SI: variants seen among roughly 807,000 people sequenced by gnomAD.
The protein encoded by SI is sucrase-isomaltase, intestinal.
In SI, 235 loss-of-function variants were observed where a neutral mutation model predicts 253.3. The ratio of observed to expected loss-of-function variants is 0.93; its 90% CI spans 0.83 to 1.03. The LOEUF (loss-of-function observed/expected upper bound fraction) is 1.03, where lower values mean the gene tolerates loss of function less well. SI is among the 50% of genes least tolerant of loss of function. The pLI is 0.00. For missense variants in SI, 2,442 were observed against 2,211.1 expected, an observed-to-expected ratio of 1.10 and a Z score of -2.09; for synonymous variants, 819 against 712.0, an observed-to-expected ratio of 1.15 and a Z score of -2.39.
At chr3:165,074,052 G>C (rs1363313285) in intron 3 of SI, among the ~76,000 whole-genome samples, 1 of 151,950 alleles carries the variant, frequency 6.6e-6, no homozygotes, top group Non-Finnish European at 1.5e-5. Flanking sequence ...AATCCAATTG[G>C]TTACACCTAA....
Position 165,059,890 on chromosome 3 carries a change from T to C in SI, c.1146+12A>G, listed in dbSNP as rs2108249960. The stretch of plus-strand genomic sequence containing the variant: ...TTGATATATATTCCCACGGACCCTT[T>C]ATTCTACTTACAAATGGTATGCCAG... On this transcript the variant is annotated intron_variant, in intron 10 of 47. Transcript: ENST00000264382. 6.2e-7 allele frequency: 1 copy of C among 1,610,024 alleles called. No individual in the cohort carries two copies. The highest frequency in any genetic ancestry group is 8.5e-7 in the Non-Finnish European group (1 of 1,176,938).
At chr3:165,068,456 C>T (rs765003857) in intron 5 of SI, among the ~76,000 whole-genome samples, 3 of 152,132 alleles carry the variant, frequency 2.0e-5, no homozygotes, top group Non-Finnish European at 2.9e-5. Flanking sequence ...TCACTGAAAG[C>T]CCCAACTCCC....
chr3:164,994,509 T>C (rs1717921880), intron 40 of SI, 104 bp from the exon 41 acceptor site: 1 of 1,184,344 alleles, frequency 8.4e-7, no homozygotes, highest in African/African-American at 1.5e-5. Flanking sequence ...TGATATTAAT[T>C]GATTGTCATG....
rs1177890775 is a variant in SI, at chr3:165,016,651, C to T, written c.3760-571G>A. Among the ~76,000 whole-genome samples the T allele has an allele frequency of 7.2e-5, 11 of 151,930 alleles. No homozygotes were observed. In the East Asian group the frequency reaches 2.1e-3, roughly 29 times the overall value. On this transcript the variant is annotated intron_variant, in intron 31 of 47. Transcript: ENST00000264382. ...AGAATTGTTTTAAGATAGGTAATTG[C>T]AAGTATGTTTAAACCAACAAATATT...
intron 31 of SI, among the ~76,000 whole-genome samples, chr3:165,016,417 A>G (rs1719032929): frequency 6.6e-6 from 1 of 152,024 alleles, no homozygotes; most frequent in Non-Finnish European, 1.5e-5. Context: ...ATACTATGAA[A>G]TTAGGTTAAA....
intron 37 of SI, among the ~76,000 whole-genome samples, chr3:165,003,236 A>T (rs1002696736): frequency 1.3e-5 from 2 of 151,128 alleles, no homozygotes; most frequent in African/African-American, 2.4e-5. Flanking sequence ...GTGGAGAGGA[A>T]TTTTTTTTTC....
intron 25 of SI, among the ~76,000 whole-genome samples, chr3:165,027,888 G>C (rs753484564): frequency 4.6e-5 from 7 of 151,504 alleles, no homozygotes; most frequent in Non-Finnish European, 8.9e-5. Context: ...ACAAGACAAA[G>C]ATGGCCATTC....
chr3:165,014,279 C>T (rs948745406), intron 33 of SI, among the ~76,000 whole-genome samples: 5 of 152,102 alleles, frequency 3.3e-5, no homozygotes, highest in Admixed American at 1.3e-4. Context: ...GACGGAGTCT[C>T]GCTCTGTCCC....
At chr3:164,987,506 C>A (rs1051604697) in intron 44 of SI, among the ~76,000 whole-genome samples, 1 of 152,102 alleles carries the variant, frequency 6.6e-6, no homozygotes. Context: ...GTCAGGAGTT[C>A]GAGACCATCC....
At chr3:164,999,812 A>G (rs765012902) in intron 37 of SI, among the ~76,000 whole-genome samples, 79 of 151,696 alleles carry the variant, frequency 5.2e-4, no homozygotes, top group Non-Finnish European at 9.6e-4. Context: ...AAAATGTGTT[A>G]AACAGACATA....
chr3:164,989,333 T>G (rs1717593254), intron 44 of SI, among the ~76,000 whole-genome samples: 2 of 125,492 alleles, frequency 1.6e-5, no homozygotes, highest in African/African-American at 6.2e-5. Flanking sequence ...AGCAAGACTC[T>G]GTCAAAAAAA....
At chr3:165,009,451 A>T in intron 34 of SI, 56 bp from the exon 35 acceptor site, 1 of 914,304 alleles carries the variant, frequency 1.1e-6, no homozygotes, top group South Asian at 1.3e-5. Context: ...GATTATATAC[A>T]TATAAATCTG....
At position 165,030,847 on chromosome 3, in the gene SI, G is replaced by T; in HGVS notation, c.2757C>A (p.Leu919=). 6.8e-7 allele frequency: 1 copy of T among 1,477,512 alleles called. No homozygotes were observed. The highest frequency in any genetic ancestry group is 9.1e-7 in the Non-Finnish European group (1 of 1,102,900). The allele number at this position is 1,477,512 out of a possible 1,614,324, so 91.5% of individuals were successfully genotyped here. A position where few individuals can be genotyped will look rare whatever the true frequency, so the allele number is the denominator to read the frequency against. The change falls in exon 25 of 48, where the codon CTC becomes CTA. Residue 919 remains leucine, a synonymous_variant. Transcript: ENST00000264382. ...TAAAGTTTCTTCCAAGATTAAGTTT[G>T]AGATCTGCAATTAGGAGAACCTTTG... ...ASNQVLLIAD[L]KLNLGRNFSV... is the part of the protein sequence containing the mutation.
the SI span, among the ~76,000 whole-genome samples, chr3:165,090,159 A>AAAG: frequency 1.4e-5 from 2 of 147,750 alleles, no homozygotes; most frequent in African/African-American, 5.0e-5. Flanking sequence ...TAAAAAAAAA[A>AAAG]AGAGAGAGAG....
intron 11 of SI, 41 bp from the exon 12 acceptor site, chr3:165,059,123 C>T: frequency 6.4e-7 from 1 of 1,557,174 alleles, no homozygotes; most frequent in Non-Finnish European, 8.7e-7. Context: ...TATTAACTTA[C>T]ACGTGTAAAC....
intron 46 of SI, 142 bp from the exon 47 acceptor site, chr3:164,982,552 T>A: frequency 1.5e-6 from 1 of 670,836 alleles, no homozygotes; most frequent in African/African-American, 1.8e-5. Context: ...GTATTTTACA[T>A]AATAAACATG....
At chr3:165,073,113 T>A (rs1438831165) in intron 3 of SI, among the ~76,000 whole-genome samples, 1 of 152,010 alleles carries the variant, frequency 6.6e-6, no homozygotes, top group Admixed American at 6.6e-5. Context: ...TGTTTCCCTA[T>A]AAGACCTTCA....
intron 33 of SI, among the ~76,000 whole-genome samples, chr3:165,013,565 C>T (rs377611161): frequency 7.9e-5 from 12 of 152,080 alleles, no homozygotes; most frequent in East Asian, 3.9e-4. Flanking sequence ...CATTGCCTAC[C>T]AACATTTTTT....
chr3:165,049,867 A>G lies in SI; in HGVS notation c.1521T>C (p.Asn507=), dbSNP rs759334711. Residue 507 remains asparagine, a synonymous_variant, in exon 14 of 48, where the codon AAT becomes AAC. Transcript: ENST00000264382. The part of the protein sequence containing the change: ...VQYDGLWIDM[N]EVSSFIQGST... ...AACCTTGAATAAAGCTGGAAACTTCATTCATGTCCTGAATGGATACAAAAT... is the reference window on the plus strand; with the variant it reads ...AACCTTGAATAAAGCTGGAAACTTCGTTCATGTCCTGAATGGATACAAAAT... The G allele has an allele frequency of 1.3e-6, 2 of 1,597,452 alleles. No individual in the cohort carries two copies. The highest frequency in any genetic ancestry group is 3.3e-5 in the Admixed American group (2 of 59,918).
Sources: gnomAD v4.1 joint callset for allele counts (sites outside exome capture counted in the v4.1 genomes callset) on GRCh38, gnomAD v4.1.1 for gene constraint, MANE v1.5 for transcripts, NCBI Gene and HGNC (gene_info 2026-07-23, HGNC 2026-07-21) for gene names.